Variants in ACOT7 observed in about 807,000 individuals in gnomAD.
ACOT7 encodes acyl-CoA thioesterase 7, also known as cytosolic acyl coenzyme A thioester hydrolase.
ACOT7 carries 12 observed loss-of-function variants against 40.2 expected under a neutral mutation model. The observed-to-expected ratio is 0.30, with a 90% CI of 0.19 to 0.48. ACOT7 has a LOEUF of 0.48. Among genes scored for constraint, ACOT7 ranks in the 20% least tolerant of loss-of-function variants. The pLI, the probability that ACOT7 is intolerant of heterozygous loss-of-function variation, is 0.99. For synonymous variants in ACOT7, 228 were observed against 219.5 expected, an observed-to-expected ratio of 1.04 and a Z score of -0.34; for missense variants, 395 against 530.8, an observed-to-expected ratio of 0.74 and a Z score of 2.51.
chr1:6,294,034 C>A lies in ACOT7; in HGVS notation c.829+830G>T, dbSNP rs1050585170. ...GCACTTCTTCCACTCTCGCTTCCCA[C>A]GACAAGGGGCTGGTCTCAGCCAACA... is the stretch of plus-strand genomic sequence containing the variant. On this transcript the variant is annotated intron_variant, in intron 7 of 8. Transcript: ENST00000361521. The surrounding 1 kb of genome is among the most constrained non-coding windows in gnomAD (Gnocchi z 4.6). 1.3e-5 allele frequency among the ~76,000 whole-genome samples: 2 copies of A among 152,220 alleles called. No homozygotes were observed. The highest frequency in any genetic ancestry group is 1.5e-5 in the Non-Finnish European group (1 of 68,034).
At chr1:6,344,323 C>T (rs577740489) in intron 2 of ACOT7, among the ~76,000 whole-genome samples, 20 of 152,294 alleles carry the variant, frequency 1.3e-4, no homozygotes, top group Non-Finnish European at 2.4e-4. Flanking sequence ...TCTGTGCTGT[C>T]CCTCGGGACA....
chr1:6,310,568 A>G (rs1184183701), intron 6 of ACOT7, among the ~76,000 whole-genome samples: 4 of 152,180 alleles, frequency 2.6e-5, no homozygotes, highest in African/African-American at 9.7e-5. Flanking sequence ...TGCTGGATCC[A>G]TTGAGACAAA....
chr1:6,308,257 G>A (rs61763890), intron 6 of ACOT7, among the ~76,000 whole-genome samples: 11 of 149,328 alleles, frequency 7.4e-5, no homozygotes, highest in Non-Finnish European at 1.5e-4. Context: ...ACCAGGCAGA[G>A]GGAACCGCAA....
chr1:6,367,233 A>T (rs1642030796), intron 1 of ACOT7, among the ~76,000 whole-genome samples: 1 of 152,042 alleles, frequency 6.6e-6, no homozygotes, highest in African/African-American at 2.4e-5. Context: ...AGTCCTCTTA[A>T]AACCTATGTT....
Position 6,294,941 on chromosome 1 carries a change from A to G in ACOT7, c.752T>C (p.Val251Ala). Reference sequence around the variant, plus strand: ...GTTGGTCTTGCAGTGGCGTGCAGCCACGATCCCGGCGACCTCATCCATGAG... The same window carrying G: ...GTTGGTCTTGCAGTGGCGTGCAGCCGCGATCCCGGCGACCTCATCCATGAG... ...MKLMDEVAGI[V>A]AARHCKTNIV... The change falls in exon 7 of 9, where the codon GTG becomes GCG. Residue 251 changes from valine (V) to alanine (A), a missense_variant. Physicochemically the swap from Val to Ala is moderately conservative, Grantham distance 64. This residue lies in a region of ACOT7 where 309 missense variants were observed against 470.3 expected (regional missense o/e 0.66). Transcript: ENST00000361521. This position sits in a 1 kb window ranked among gnomAD's most constrained non-coding sequence, Gnocchi z 4.6. The G allele has an allele frequency of 1.2e-6, 2 of 1,614,148 alleles. No homozygotes were observed. Among genetic ancestry groups the G allele is most frequent in the East Asian group, 2.2e-5 (1 of 44,890 alleles).
At chr1:6,390,631 G>C (rs1642517031) in intron 1 of ACOT7, among the ~76,000 whole-genome samples, 1 of 151,160 alleles carries the variant, frequency 6.6e-6, no homozygotes, top group Non-Finnish European at 1.5e-5. Context: ...GGTTTACAGT[G>C]GGTAAGAAAA....
rs1026088988 is a variant in ACOT7, at chr1:6,275,718, A to C, written c.1014+5384T>G. On this transcript the variant is annotated intron_variant, in intron 8 of 8. Transcript: ENST00000361521. The surrounding 1 kb of genome is among the most constrained non-coding windows in gnomAD (Gnocchi z 5.6). ...GGCGACAGAGTGAGGCTCCGTCTCAAAAAAAAAAAAAAAAAAAAAAAAAGA... is the reference window on the plus strand; with the variant it reads ...GGCGACAGAGTGAGGCTCCGTCTCACAAAAAAAAAAAAAAAAAAAAAAAGA... Among the ~76,000 whole-genome samples the C allele has an allele frequency of 1.9e-5, 2 of 107,700 alleles. No homozygotes were observed. Among genetic ancestry groups the C allele is most frequent in the Non-Finnish European group, 3.9e-5 (2 of 51,604 alleles). The allele number at this position is 107,700 out of a possible 152,430, so 70.7% of individuals were successfully genotyped here. A position where few individuals can be genotyped will look rare whatever the true frequency, so the allele number is the denominator to read the frequency against.
At position 6,327,286 on chromosome 1, in the gene ACOT7, C is replaced by T; in HGVS notation, c.625+13G>A. On this transcript the variant is annotated intron_variant, in intron 5 of 8. Transcript: ENST00000361521. The stretch of plus-strand genomic sequence containing the variant: ...GAGGAGTGGCACCTGCTGCTGGTGT[C>T]CGCGGCTCTTACCTGGGTTGAGGAC... 1.2e-6 allele frequency: 2 copies of T among 1,613,792 alleles called. No homozygotes were observed. The highest frequency in any genetic ancestry group is 1.1e-5 in the South Asian group (1 of 91,030).
intron 1 of ACOT7, among the ~76,000 whole-genome samples, chr1:6,369,398 CTTTTTT>C (rs60404741): frequency 9.9e-5 from 10 of 100,892 alleles, no homozygotes; most frequent in African/African-American, 3.9e-4. Context: ...AAATGCATTT[CTTTTTT>C]TTTTTTTTTT....
chr1:6,349,486 G>A (rs1313417224), intron 2 of ACOT7, among the ~76,000 whole-genome samples: 2 of 152,254 alleles, frequency 1.3e-5, no homozygotes, highest in African/African-American at 4.8e-5. Flanking sequence ...GACTCGGCAT[G>A]GCGGGGAGTG....
chr1:6,368,265 G>A (rs1430274113), intron 1 of ACOT7, among the ~76,000 whole-genome samples: 2 of 152,168 alleles, frequency 1.3e-5, no homozygotes, highest in Non-Finnish European at 2.9e-5. Context: ...GTTTGTGCCA[G>A]CCTATCCTCA....
intron 6 of ACOT7, among the ~76,000 whole-genome samples, chr1:6,305,637 C>T (rs1180332629): frequency 6.6e-6 from 1 of 151,126 alleles, no homozygotes; most frequent in Non-Finnish European, 1.5e-5. Context: ...GATGGGCGGC[C>T]GGGCAGAGAC....
At chr1:6,376,446 G>A (rs1321689125) in intron 1 of ACOT7, among the ~76,000 whole-genome samples, 1 of 151,288 alleles carries the variant, frequency 6.6e-6, no homozygotes, top group African/African-American at 2.4e-5. Context: ...AAGGTGGGAG[G>A]GGCCAGGCGC....
rs578018697 is a variant in ACOT7, at chr1:6,359,831, C to A, written c.144-9965G>T. The stretch of plus-strand genomic sequence containing the variant: ...CAGAGTGCAGGCCGCACAGCCTCAA[C>A]CAGGCTGCACCCGCCGGCCTCTGGG... On this transcript the variant is annotated intron_variant, in intron 1 of 8. Coordinates refer to ENST00000361521, the MANE Select transcript of ACOT7 (RefSeq NM_007274.4). The surrounding 1 kb of genome is among the most constrained non-coding windows in gnomAD (Gnocchi z 4.1). 6.6e-6 allele frequency among the ~76,000 whole-genome samples: 1 copy of A among 152,308 alleles called. No individual in the cohort carries two copies. Among genetic ancestry groups the A allele is most frequent in the East Asian group, 1.9e-4 (1 of 5,168 alleles).
chr1:6,355,871 T>C lies in ACOT7; in HGVS notation c.144-6005A>G, dbSNP rs1362915300. On this transcript the variant is annotated intron_variant, in intron 1 of 8. Transcript: ENST00000361521. The surrounding 1 kb of genome is among the most constrained non-coding windows in gnomAD (Gnocchi z 5.0). ...GCGCCTGGAACAATTGAGGGGAGCCTGGCAGGGAGGGGAGCCGCTCCTGCC... is the reference window on the plus strand; with the variant it reads ...GCGCCTGGAACAATTGAGGGGAGCCCGGCAGGGAGGGGAGCCGCTCCTGCC... Among the ~76,000 whole-genome samples, 1 of 151,954 alleles carries C rather than the reference T, an allele frequency of 6.6e-6. No homozygotes were observed. Among genetic ancestry groups the C allele is most frequent in the Non-Finnish European group, 1.5e-5 (1 of 67,904 alleles).
rs188318179 is a variant in ACOT7 at position 6,373,959 on chromosome 1, T to C, written c.143+19298A>G. On this transcript the variant is annotated intron_variant, in intron 1 of 8. Coordinates refer to ENST00000361521, the MANE Select transcript of ACOT7 (RefSeq NM_007274.4). Reference sequence around the variant, plus strand: ...AACTGATCAAACTGAATACTTTCCATATGTGCAGTTATAGAAATTATTCCT... The same window carrying C: ...AACTGATCAAACTGAATACTTTCCACATGTGCAGTTATAGAAATTATTCCT... Among the ~76,000 whole-genome samples, 155 of 152,224 alleles carry C rather than the reference T, an allele frequency of 1.0e-3. 2 individuals carry two copies. Among genetic ancestry groups the C allele is most frequent in the Admixed American group, 9.4e-3 (144 of 15,280 alleles).
intron 1 of ACOT7, among the ~76,000 whole-genome samples, chr1:6,369,925 G>A (rs528806599): frequency 6.6e-6 from 1 of 152,190 alleles, no homozygotes; most frequent in Non-Finnish European, 1.5e-5. Flanking sequence ...ATAGGTTGCA[G>A]AATGGATGTT....
At chr1:6,368,419 T>C (rs1024895622) in intron 1 of ACOT7, among the ~76,000 whole-genome samples, 2 of 152,110 alleles carry the variant, frequency 1.3e-5, no homozygotes, top group Non-Finnish European at 2.9e-5. Flanking sequence ...CCCTGAAGCA[T>C]AACCCAAGCT....
At chr1:6,305,917 G>A (rs1350751595) in intron 6 of ACOT7, among the ~76,000 whole-genome samples, 1 of 152,010 alleles carries the variant, frequency 6.6e-6, no homozygotes, top group Non-Finnish European at 1.5e-5. Flanking sequence ...CTGAGTGAAC[G>A]AGACTCCGTC....
Sources: allele counts gnomAD v4.1 joint callset (sites outside exome capture counted in the v4.1 genomes callset), GRCh38; gene constraint gnomAD v4.1.1; regional missense constraint gnomAD v4.1.1; non-coding constraint Gnocchi (gnomAD v3.1); transcripts MANE v1.5; gene names NCBI Gene and HGNC (gene_info 2026-07-23, HGNC 2026-07-21).